The following CNST variants were observed in gnomAD, a reference collection of about 807,000 sequenced individuals.
CNST encodes the protein consortin, connexin sorting protein, also known as consortin.
In CNST, 39 loss-of-function variants were observed where a neutral mutation model predicts 72.4. The ratio of observed to expected loss-of-function variants is 0.54; its 90% CI spans 0.42 to 0.70. CNST has a LOEUF of 0.70. Ranked by LOEUF, CNST falls within the 30% of genes least tolerant of loss-of-function variation. The probability of loss-of-function intolerance (pLI) is 0.00; values close to 1 mark genes in which losing one functional copy is unlikely to be tolerated. For synonymous variants in CNST, 332 were observed against 320.1 expected (o/e 1.04, Z -0.40); for missense variants, 871 against 868.5 (o/e 1.00, Z -0.04).
rs995651798 is a variant in CNST at position 246,578,626 on chromosome 1, G to C, written c.-52+11963G>C. On this transcript the variant is annotated intron_variant, in intron 1 of 10. Transcript: ENST00000366513. ...GCGGAGGTTGCAGTGAGCCAATATCGTGCCACTGCACTCCAGCCTAGGCAA... is the reference window on the plus strand; with the variant it reads ...GCGGAGGTTGCAGTGAGCCAATATCCTGCCACTGCACTCCAGCCTAGGCAA... Among the ~76,000 whole-genome samples, 3 of 151,870 alleles carry C rather than the reference G, an allele frequency of 2.0e-5. No individual in the cohort carries two copies. In the East Asian group the frequency reaches 5.8e-4, roughly 29 times the overall value.
intron 8 of CNST, among the ~76,000 whole-genome samples, chr1:246,643,943 A>G (rs1011311162): frequency 6.6e-6 from 1 of 152,174 alleles, no homozygotes; most frequent in Non-Finnish European, 1.5e-5. Flanking sequence ...GTACCCACAG[A>G]TAGTCTTTAT....
chr1:246,620,822 A>G (rs182259022), intron 2 of CNST, among the ~76,000 whole-genome samples: 1 of 150,944 alleles, frequency 6.6e-6, no homozygotes, highest in East Asian at 2.0e-4. Flanking sequence ...TCAGTCGTGC[A>G]TACACACGAC....
At chr1:246,610,119 A>G (rs1453169687) in intron 2 of CNST, among the ~76,000 whole-genome samples, 1 of 151,958 alleles carries the variant, frequency 6.6e-6, no homozygotes, top group African/African-American at 2.4e-5. Context: ...CATCTCTACT[A>G]AAAATACAAA....
intron 9 of CNST, among the ~76,000 whole-genome samples, chr1:246,654,476 C>T (rs946309592): frequency 2.0e-5 from 3 of 152,188 alleles, no homozygotes; most frequent in South Asian, 4.1e-4. Context: ...AACAATTCCT[C>T]GGAACTTCAA....
intron 1 of CNST, among the ~76,000 whole-genome samples, chr1:246,584,210 C>T (rs1385545831): frequency 3.3e-5 from 5 of 152,234 alleles, no homozygotes; most frequent in African/African-American, 1.2e-4. Flanking sequence ...CCACCATGCC[C>T]AGCCACATAT....
At chr1:246,639,724 A>G (rs1665554274) in intron 6 of CNST, among the ~76,000 whole-genome samples, 1 of 152,222 alleles carries the variant, frequency 6.6e-6, no homozygotes, top group Non-Finnish European at 1.5e-5. Flanking sequence ...GCAAGGCACT[A>G]GTATTTGTTC....
At chr1:246,635,046 G>A (rs574800117) in intron 6 of CNST, among the ~76,000 whole-genome samples, 6 of 152,226 alleles carry the variant, frequency 3.9e-5, no homozygotes, top group South Asian at 2.1e-4. Flanking sequence ...AAGTGGCCTC[G>A]CGCCTTGGGA....
At chr1:246,633,834 A>G (rs1664953107) in intron 4 of CNST, 90 bp from the exon 5 acceptor site, 1 of 796,366 alleles carries the variant, frequency 1.3e-6, no homozygotes, top group Non-Finnish European at 2.1e-6. Context: ...GTAAGCTGCA[A>G]ATTTCTCAAC....
At chr1:246,663,777 G>T (rs1369999760) in intron 10 of CNST, among the ~76,000 whole-genome samples, 5 of 151,898 alleles carry the variant, frequency 3.3e-5, no homozygotes, top group African/African-American at 1.2e-4. Flanking sequence ...GTAAATTTCA[G>T]AGCAAACAAT....
intron 1 of CNST, among the ~76,000 whole-genome samples, chr1:246,570,344 T>C (rs900207277): frequency 3.3e-5 from 5 of 152,216 alleles, no homozygotes; most frequent in Admixed American, 2.6e-4. Context: ...AGACCCATCA[T>C]TGTTCCTGTC....
chr1:246,652,978 T>C (rs1367063087), intron 9 of CNST, among the ~76,000 whole-genome samples: 1 of 150,326 alleles, frequency 6.7e-6, no homozygotes, highest in East Asian at 1.9e-4. Context: ...CACTCCAGCC[T>C]GGGCTACAGA....
intron 1 of CNST, among the ~76,000 whole-genome samples, chr1:246,578,383 T>C (rs1660566569): frequency 6.6e-6 from 1 of 152,076 alleles, no homozygotes; most frequent in African/African-American, 2.4e-5. Flanking sequence ...GTATTAACCA[T>C]TGCCTTCGGC....
At chr1:246,660,110 A>G in intron 9 of CNST, 89 bp from the exon 10 acceptor site, 1 of 1,121,514 alleles carries the variant, frequency 8.9e-7, no homozygotes, top group African/African-American at 1.6e-5. Flanking sequence ...ATAAAAATTC[A>G]AATATCTGTT....
chr1:246,640,594 A>G (rs944735327), intron 6 of CNST, among the ~76,000 whole-genome samples: 2 of 152,228 alleles, frequency 1.3e-5, no homozygotes, highest in African/African-American at 4.8e-5. Flanking sequence ...TTCTCAATAC[A>G]AAGGCTAAAA....
intron 6 of CNST, among the ~76,000 whole-genome samples, chr1:246,639,716 A>C (rs945548333): frequency 6.6e-6 from 1 of 152,208 alleles, no homozygotes; most frequent in African/African-American, 2.4e-5. Flanking sequence ...CACCAGGTGC[A>C]AGGCACTAGT....
chr1:246,609,886 C>T (rs1414643027), intron 2 of CNST, among the ~76,000 whole-genome samples: 4 of 152,188 alleles, frequency 2.6e-5, no homozygotes, highest in Non-Finnish European at 5.9e-5. Flanking sequence ...CCATTTCATT[C>T]TACAGTTCAG....
chr1:246,596,341 G>A lies in CNST; in HGVS notation c.379+4400G>A, dbSNP rs149511245. Among the ~76,000 whole-genome samples, 1,385 of 151,144 alleles carry A rather than the reference G, an allele frequency of 9.2e-3. 10 individuals are homozygous for A. Among genetic ancestry groups the A allele is most frequent in the Middle Eastern group, 0.028 (8 of 290 alleles). ...GAGGTGGGAGGATCACAGCAGCAGT[G>A]AGCTGCATGGTTGCACCACTGCACC... On this transcript the variant is annotated intron_variant, in intron 2 of 10. Coordinates refer to ENST00000366513, the MANE Select transcript of CNST (RefSeq NM_152609.3).
rs1004444046 is a variant in CNST, at chr1:246,566,525, G to A, written c.-190G>A. ...GCGCAGAGGGAGGCGGGGCGGAAAG[G>A]CGAGAGGTGTCTCCTCCACCGGAGC... On this transcript the variant is annotated 5_prime_UTR_variant, in exon 1 of 11. Transcript: ENST00000366513. 1.4e-5 allele frequency: 6 copies of A among 431,854 alleles called. No individual in the cohort carries two copies. The highest frequency in any genetic ancestry group is 2.5e-5 in the Non-Finnish European group (6 of 242,612). The allele number at this position is 431,854 out of a possible 1,614,324, so 26.8% of individuals were successfully genotyped here. A position where few individuals can be genotyped will look rare whatever the true frequency, so the allele number is the denominator to read the frequency against.
At chr1:246,652,950 G>A (rs1666563491) in intron 9 of CNST, among the ~76,000 whole-genome samples, 1 of 151,076 alleles carries the variant, frequency 6.6e-6, no homozygotes, top group African/African-American at 2.4e-5. Context: ...CTTGCAGTGA[G>A]CCGAGATTGC....
Sources: gnomAD v4.1 joint callset for allele counts (sites outside exome capture counted in the v4.1 genomes callset) on GRCh38, gnomAD v4.1.1 for gene constraint, MANE v1.5 for transcripts, NCBI Gene and HGNC (gene_info 2026-07-23, HGNC 2026-07-21) for gene names.